LDAH: variants seen among roughly 807,000 people sequenced by gnomAD.
LDAH encodes the protein lipid droplet associated hydrolase.
LDAH carries 26 observed loss-of-function variants against 29.6 expected under a neutral mutation model. That is an observed-to-expected ratio of 0.88 (90% CI 0.64 to 1.22). LDAH has a LOEUF of 1.22. LDAH is among the 50% of genes most tolerant of loss of function. The pLI is 0.00. For missense variants in LDAH, 344 were observed against 387.3 expected (o/e 0.89, Z 0.94); for synonymous variants, 117 against 133.0 (o/e 0.88, Z 0.83).
intron 4 of LDAH, among the ~76,000 whole-genome samples, chr2:20,740,505 C>A (rs1667100008): frequency 6.6e-6 from 1 of 152,086 alleles, no homozygotes; most frequent in South Asian, 2.1e-4. Context: ...GAGAGGGTCT[C>A]CCTGTGTTGC....
At chr2:20,735,401 G>A (rs1572507568) in intron 5 of LDAH, among the ~76,000 whole-genome samples, 2 of 149,882 alleles carry the variant, frequency 1.3e-5, no homozygotes, top group South Asian at 4.2e-4. Context: ...TCATTTTATT[G>A]TTGGTTCCAT....
chr2:20,750,691 C>A (rs574635233), intron 4 of LDAH, among the ~76,000 whole-genome samples: 1 of 152,222 alleles, frequency 6.6e-6, no homozygotes, highest in East Asian at 1.9e-4. Context: ...GTCATTCTAC[C>A]AAAAAGACAC....
intron 1 of LDAH, among the ~76,000 whole-genome samples, chr2:20,805,735 A>G (rs1188976557): frequency 6.6e-6 from 1 of 152,090 alleles, no homozygotes; most frequent in Non-Finnish European, 1.5e-5. Flanking sequence ...GTTTTTTCCA[A>G]TTAAATCTCA....
intron 4 of LDAH, among the ~76,000 whole-genome samples, chr2:20,771,490 T>TCAAATG (rs1020282210): frequency 1.8e-4 from 27 of 152,232 alleles, no homozygotes; most frequent in Non-Finnish European, 2.9e-4. Context: ...AACATATTTG[T>TCAAATG]CAAATGCATC....
intron 4 of LDAH, among the ~76,000 whole-genome samples, chr2:20,741,041 T>G (rs1049087999): frequency 2.0e-5 from 3 of 152,366 alleles, no homozygotes; most frequent in Admixed American, 6.5e-5. Context: ...GAGCATCTTC[T>G]CATATGTTTA....
intron 1 of LDAH, among the ~76,000 whole-genome samples, chr2:20,818,255 T>C (rs1475076690): frequency 6.6e-6 from 1 of 152,186 alleles, no homozygotes; most frequent in Non-Finnish European, 1.5e-5. Flanking sequence ...TTCCTCTGAA[T>C]ATGCAATTCT....
At chr2:20,758,794 T>C (rs1355013218) in intron 4 of LDAH, among the ~76,000 whole-genome samples, 2 of 151,946 alleles carry the variant, frequency 1.3e-5, no homozygotes, top group Admixed American at 6.6e-5. Flanking sequence ...GGCACATAGA[T>C]AGGAAAATAT....
intron 4 of LDAH, among the ~76,000 whole-genome samples, chr2:20,756,169 G>C (rs992837120): frequency 1.3e-5 from 2 of 152,078 alleles, no homozygotes; most frequent in Admixed American, 6.5e-5. Flanking sequence ...CAAGTAGCCA[G>C]GATTACAAGT....
At chr2:20,755,636 C>A (rs1187616233) in intron 4 of LDAH, among the ~76,000 whole-genome samples, 1 of 152,160 alleles carries the variant, frequency 6.6e-6, no homozygotes, top group Non-Finnish European at 1.5e-5. Context: ...TACCCTCAAG[C>A]AACTTCTCCA....
At chr2:20,795,898 T>C (rs1377343313) in intron 2 of LDAH, among the ~76,000 whole-genome samples, 1 of 151,462 alleles carries the variant, frequency 6.6e-6, no homozygotes, top group Non-Finnish European at 1.5e-5. Flanking sequence ...AATACTGTTA[T>C]CCTGATTATT....
chr2:20,728,099 T>C (rs139754009), intron 5 of LDAH, among the ~76,000 whole-genome samples: 13 of 152,328 alleles, frequency 8.5e-5, no homozygotes, highest in Admixed American at 8.5e-4. Context: ...AATGTGTGTA[T>C]AAACTAAAGG....
chr2:20,806,331 T>G (rs1014753156), intron 1 of LDAH, among the ~76,000 whole-genome samples: 1 of 152,170 alleles, frequency 6.6e-6, no homozygotes, highest in African/African-American at 2.4e-5. Context: ...CTGTGGACTC[T>G]GTTATTGTGC....
chr2:20,726,400 G>T (rs1666017260), intron 5 of LDAH, among the ~76,000 whole-genome samples: 1 of 152,188 alleles, frequency 6.6e-6, no homozygotes, highest in African/African-American at 2.4e-5. Context: ...AGGACGAGCT[G>T]CAAGACTAGA....
At chr2:20,761,855 C>A (rs1461418243) in intron 4 of LDAH, among the ~76,000 whole-genome samples, 21 of 149,982 alleles carry the variant, frequency 1.4e-4, no homozygotes. Flanking sequence ...AACAAATCAC[C>A]TTAAAAGAAA....
At chr2:20,694,703 C>T (rs964007933) in intron 6 of LDAH, among the ~76,000 whole-genome samples, 39 of 152,172 alleles carry the variant, frequency 2.6e-4, no homozygotes, top group Admixed American at 5.2e-4. Context: ...CAGAGGGGAG[C>T]GGTGGGAATG....
intron 4 of LDAH, among the ~76,000 whole-genome samples, chr2:20,752,748 T>C (rs1417910161): frequency 6.6e-6 from 1 of 152,216 alleles, no homozygotes; most frequent in Non-Finnish European, 1.5e-5. Flanking sequence ...ATCACTGGGC[T>C]GAAATAAAGA....
chr2:20,766,346 A>G lies in LDAH; in HGVS notation c.468+8464T>C, dbSNP rs140195029. Among the ~76,000 whole-genome samples the G allele has an allele frequency of 7.5e-4, 115 of 152,350 alleles. 1 individual carries two copies. The East Asian group carries it at 0.02, about 27-fold the overall frequency. ...TTGGTCATATGATTTGCTCTGTCCA[A>G]TAAAATTTGAGGAGTGAAAATTTTC... On this transcript the variant is annotated intron_variant, in intron 4 of 6. Coordinates refer to ENST00000237822, the MANE Select transcript of LDAH (RefSeq NM_021925.4).
chr2:20,820,055 A>AG, intron 1 of LDAH, among the ~76,000 whole-genome samples: 1 of 151,982 alleles, frequency 6.6e-6, no homozygotes, highest in African/African-American at 2.4e-5. Flanking sequence ...TCCAACTTAC[A>AG]AGGGATGTGA....
At chr2:20,708,825 T>C (rs543354312) in intron 5 of LDAH, among the ~76,000 whole-genome samples, 49 of 152,072 alleles carry the variant, frequency 3.2e-4, no homozygotes, top group Non-Finnish European at 6.9e-4. Flanking sequence ...AATAAATAAA[T>C]TGGACTTCAT....
Sources: gnomAD v4.1 joint callset for allele counts (sites outside exome capture counted in the v4.1 genomes callset) on GRCh38, gnomAD v4.1.1 for gene constraint, MANE v1.5 for transcripts, NCBI Gene and HGNC (gene_info 2026-07-23, HGNC 2026-07-21) for gene names.